The following SAMD5 variants were observed in gnomAD, a reference collection of about 807,000 sequenced individuals.
SAMD5 encodes sterile alpha motif domain containing 5, also known as sterile alpha motif domain-containing protein 5.
Under a neutral mutation model 11.3 loss-of-function variants are expected in SAMD5, and 13 were observed. That is an observed-to-expected ratio of 1.15 (90% CI 0.75 to 1.83). The LOEUF (loss-of-function observed/expected upper bound fraction) is 1.83. Among genes scored for constraint, SAMD5 ranks in the 40% most tolerant of loss-of-function variants. SAMD5 has a pLI of 0.00. For synonymous variants in SAMD5, 129 were observed against 111.3 expected (o/e 1.16, Z -1.00); for missense variants, 255 against 239.1 (o/e 1.07, Z -0.44).
intron 1 of SAMD5, among the ~76,000 whole-genome samples, chr6:147,681,308 A>G (rs1421015310): frequency 6.6e-6 from 1 of 152,060 alleles, no homozygotes; most frequent in Non-Finnish European, 1.5e-5. Context: ...TTCTGTAGTA[A>G]CTAATCTGCT....
At chr6:147,604,373 T>C (rs1215206118) in intron 1 of SAMD5, among the ~76,000 whole-genome samples, 1 of 152,174 alleles carries the variant, frequency 6.6e-6, no homozygotes, top group Non-Finnish European at 1.5e-5. Flanking sequence ...TGTTCTCCGG[T>C]TGGAATGAGC....
rs184583158 is a variant in SAMD5 at position 147,692,144 on chromosome 6, A to G, written c.163-45173A>G. 9.2e-4 allele frequency among the ~76,000 whole-genome samples: 140 copies of G among 151,830 alleles called. 1 individual carries two copies. The highest frequency in any genetic ancestry group is 3.2e-3 in the African/African-American group (133 of 41,364). On this transcript the variant is annotated intron_variant, in intron 1 of 1. Coordinates refer to the SAMD5 transcript ENST00000566741. The stretch of plus-strand genomic sequence containing the variant: ...GTAGATGTTTAAAAAGGAACTTTCC[A>G]TACTATAGAGCCACATCTCATATGT...
the SAMD5 span, among the ~76,000 whole-genome samples, chr6:147,943,726 T>G: frequency 6.6e-6 from 1 of 152,162 alleles, no homozygotes; most frequent in Non-Finnish European, 1.5e-5. Context: ...TCCTTCATAA[T>G]GTCAACCAGC....
At chr6:147,734,711 T>TAAAAAAA (rs61482319) in intron 1 of SAMD5, among the ~76,000 whole-genome samples, 288 of 26,096 alleles carry the variant, frequency 0.011, 46 homozygotes, top group Middle Eastern at 0.036. Flanking sequence ...AGACTCCATC[T>TAAAAAAA]AAAAAAAAAA....
the SAMD5 span, among the ~76,000 whole-genome samples, chr6:147,912,407 C>A: frequency 1.3e-5 from 2 of 152,208 alleles, no homozygotes; most frequent in African/African-American, 2.4e-5. Flanking sequence ...CCCTCTCCAA[C>A]ACACAGTTCC....
rs140554600 is a variant in SAMD5 at position 147,545,546 on chromosome 6, C to T, written c.460-18848C>T. ...TAGCTGAAAAGATCTGAGAGGGAGG[C>T]TTTTTGCCTGATTTGGGGGCAGGGG... On this transcript the variant is annotated intron_variant, in intron 1 of 1. Transcript: ENST00000367474. Among the ~76,000 whole-genome samples the T allele has an allele frequency of 5.6e-3, 850 of 151,876 alleles. 2 individuals are homozygous for T. The highest frequency in any genetic ancestry group is 8.6e-3 in the Non-Finnish European group (585 of 67,966).
intron 1 of SAMD5, among the ~76,000 whole-genome samples, chr6:147,704,488 C>T (rs965118863): frequency 9.2e-5 from 14 of 151,744 alleles, no homozygotes; most frequent in South Asian, 6.2e-4. Flanking sequence ...CTAGTAATCC[C>T]GGAAGAGAAA....
chr6:147,727,984 C>T (rs1791653432), intron 1 of SAMD5, among the ~76,000 whole-genome samples: 2 of 152,110 alleles, frequency 1.3e-5, no homozygotes, highest in Admixed American at 1.3e-4. Context: ...GGGGTAATCA[C>T]CTAGTAGAGG....
chr6:147,878,633 A>G, the SAMD5 span, among the ~76,000 whole-genome samples: 2 of 147,954 alleles, frequency 1.4e-5, no homozygotes, highest in African/African-American at 4.9e-5. Flanking sequence ...ATATATATCT[A>G]TATATTTACA....
chr6:147,618,336 C>T (rs1789904000), intron 1 of SAMD5, among the ~76,000 whole-genome samples: 1 of 152,010 alleles, frequency 6.6e-6, no homozygotes, highest in African/African-American at 2.4e-5. Context: ...ACAGGCAGCT[C>T]AGTGTTGGGG....
chr6:147,767,370 G>A, the SAMD5 span, among the ~76,000 whole-genome samples: 1 of 151,046 alleles, frequency 6.6e-6, no homozygotes, highest in East Asian at 1.9e-4. Flanking sequence ...GAGTGGTACT[G>A]CCTTAAATCA....
At chr6:147,625,939 T>C (rs1790044999) in intron 1 of SAMD5, among the ~76,000 whole-genome samples, 1 of 152,138 alleles carries the variant, frequency 6.6e-6, no homozygotes. Flanking sequence ...GAACCAGTCA[T>C]GACAATCCCG....
At chr6:147,727,379 TATA>T (rs1017839039) in intron 1 of SAMD5, among the ~76,000 whole-genome samples, 7 of 152,200 alleles carry the variant, frequency 4.6e-5, no homozygotes, top group Admixed American at 3.3e-4. Context: ...TAGTTGCCTG[TATA>T]ATGTTTTGAA....
At chr6:147,633,501 G>A (rs184466772) in intron 1 of SAMD5, among the ~76,000 whole-genome samples, 1 of 152,166 alleles carries the variant, frequency 6.6e-6, no homozygotes, top group African/African-American at 2.4e-5. Context: ...AGCATTTTAC[G>A]GAGATAGCCT....
intron 1 of SAMD5, among the ~76,000 whole-genome samples, chr6:147,593,500 G>A (rs1789486111): frequency 6.6e-6 from 1 of 152,126 alleles, no homozygotes; most frequent in Non-Finnish European, 1.5e-5. Context: ...AATAAATTTG[G>A]TATATTCTTT....
the SAMD5 span, among the ~76,000 whole-genome samples, chr6:147,929,448 T>C: frequency 6.6e-6 from 1 of 152,190 alleles, no homozygotes; most frequent in African/African-American, 2.4e-5. Flanking sequence ...AATATAAATA[T>C]TTTCTAATTT....
At chr6:147,698,062 C>A (rs1791200766) in intron 1 of SAMD5, among the ~76,000 whole-genome samples, 1 of 152,202 alleles carries the variant, frequency 6.6e-6, no homozygotes, top group Non-Finnish European at 1.5e-5. Flanking sequence ...ATCCCCCGCA[C>A]ACGCAGTTCA....
At chr6:147,887,313 C>T in the SAMD5 span, among the ~76,000 whole-genome samples, 90 of 152,282 alleles carry the variant, frequency 5.9e-4, no homozygotes, top group African/African-American at 1.8e-3. Context: ...AAAGATTCCT[C>T]GGGTCCCTTT....
At chr6:147,542,199 G>C (rs1788616605) in intron 1 of SAMD5, among the ~76,000 whole-genome samples, 1 of 152,208 alleles carries the variant, frequency 6.6e-6, no homozygotes, top group Non-Finnish European at 1.5e-5. Flanking sequence ...CCAGTAGAGA[G>C]AGTACCAGAG....
Sources: allele counts gnomAD v4.1 joint callset (sites outside exome capture counted in the v4.1 genomes callset), GRCh38; gene constraint gnomAD v4.1.1; transcripts MANE v1.5; gene names NCBI Gene and HGNC (gene_info 2026-07-23, HGNC 2026-07-21).